The following MB21D2 variants were observed in gnomAD, a reference collection of about 807,000 sequenced individuals.
MB21D2 encodes the protein nucleotidyltransferase MB21D2.
In MB21D2, 9 loss-of-function variants were observed where a neutral mutation model predicts 33.3. The observed-to-expected ratio is 0.27, with a 90% confidence interval of 0.16 to 0.47. The LOEUF is 0.47. Ranked by LOEUF, MB21D2 falls within the 20% of genes least tolerant of loss-of-function variation. The pLI is 0.99. For synonymous variants in MB21D2, 241 were observed against 236.3 expected, an observed-to-expected ratio of 1.02 and a Z score of -0.18; for missense variants, 540 against 624.6, an observed-to-expected ratio of 0.86 and a Z score of 1.44.
intron 1 of MB21D2, among the ~76,000 whole-genome samples, chr3:192,868,128 G>A (rs9875758): frequency 0.56 from 84,597 of 152,058 alleles, 24,444 homozygotes; most frequent in African/African-American, 0.71. Flanking sequence ...AATCAGTAAC[G>A]GATACAGGGA....
chr3:192,909,761 TCTC>T (rs1560258326), intron 1 of MB21D2, among the ~76,000 whole-genome samples: 3 of 151,062 alleles, frequency 2.0e-5, no homozygotes, highest in Non-Finnish European at 3.0e-5. Context: ...CGAAACCCCA[TCTC>T]TACTAAAAAT....
chr3:192,902,036 G>T (rs1714115935), intron 1 of MB21D2, among the ~76,000 whole-genome samples: 1 of 152,142 alleles, frequency 6.6e-6, no homozygotes, highest in African/African-American at 2.4e-5. Context: ...TCAAAAGGAG[G>T]CTGTAGATAG....
chr3:192,818,033 T>C (rs1475314506), intron 1 of MB21D2, among the ~76,000 whole-genome samples: 1 of 151,770 alleles, frequency 6.6e-6, no homozygotes, highest in African/African-American at 2.4e-5. Flanking sequence ...TTCTCTTCAG[T>C]GTGCCCTCCC....
chr3:192,806,227 G>C (rs1462231845), intron 1 of MB21D2, among the ~76,000 whole-genome samples: 3 of 152,204 alleles, frequency 2.0e-5, no homozygotes, highest in Non-Finnish European at 4.4e-5. Context: ...GTCATTGTGG[G>C]CTGTGTTCAT....
At chr3:192,842,248 T>C (rs1214927700) in intron 1 of MB21D2, among the ~76,000 whole-genome samples, 1 of 152,210 alleles carries the variant, frequency 6.6e-6, no homozygotes, top group Non-Finnish European at 1.5e-5. Context: ...GGCAGGAACA[T>C]GGTCTACCAC....
chr3:192,881,814 A>G (rs1713602509), intron 1 of MB21D2, among the ~76,000 whole-genome samples: 1 of 152,196 alleles, frequency 6.6e-6, no homozygotes, highest in Non-Finnish European at 1.5e-5. Context: ...TAAATGCCAC[A>G]TGAGCAAAAC....
rs149479093 is a variant in MB21D2, at chr3:192,900,535, A to C, written c.211+17095T>G. Among the ~76,000 whole-genome samples the C allele has an allele frequency of 4.4e-3, 666 of 152,260 alleles. 5 individuals carry two copies. Among genetic ancestry groups the C allele is most frequent in the African/African-American group, 0.014 (562 of 41,568 alleles). On this transcript the variant is annotated intron_variant, in intron 1 of 1. Coordinates refer to ENST00000392452, the MANE Select transcript of MB21D2 (RefSeq NM_178496.4). Reference sequence around the variant, plus strand: ...TCTGGTTTGGCTGGTTTTTTCGTTTAGGGTATTGATCATAATCTGTAAAGC... The same window carrying C: ...TCTGGTTTGGCTGGTTTTTTCGTTTCGGGTATTGATCATAATCTGTAAAGC...
chr3:192,824,712 T>C (rs1712134708), intron 1 of MB21D2, among the ~76,000 whole-genome samples: 1 of 152,240 alleles, frequency 6.6e-6, no homozygotes, highest in South Asian at 2.1e-4. Flanking sequence ...GGTTTTCATT[T>C]AAAATTATTA....
At chr3:192,829,621 T>A (rs1452533733) in intron 1 of MB21D2, among the ~76,000 whole-genome samples, 1 of 152,252 alleles carries the variant, frequency 6.6e-6, no homozygotes, top group African/African-American at 2.4e-5. Flanking sequence ...TTTGTATGTA[T>A]GTATGGTGTA....
At chr3:192,869,861 A>T (rs1713252677) in intron 1 of MB21D2, among the ~76,000 whole-genome samples, 1 of 152,182 alleles carries the variant, frequency 6.6e-6, no homozygotes, top group African/African-American at 2.4e-5. Flanking sequence ...TAACCTGCTG[A>T]GCTGAGCTAG....
chr3:192,814,380 T>C (rs1711864798), intron 1 of MB21D2, among the ~76,000 whole-genome samples: 2 of 152,310 alleles, frequency 1.3e-5, no homozygotes, highest in African/African-American at 4.8e-5. Flanking sequence ...ACCTGATAAC[T>C]GTTTTCAGTA....
chr3:192,864,226 C>T (rs1324200198), intron 1 of MB21D2, among the ~76,000 whole-genome samples: 3 of 152,142 alleles, frequency 2.0e-5, no homozygotes, highest in African/African-American at 4.8e-5. Context: ...AAGGCCTTGG[C>T]CTAACTCTTC....
chr3:192,857,688 C>A (rs1712948803), intron 1 of MB21D2, among the ~76,000 whole-genome samples: 1 of 152,010 alleles, frequency 6.6e-6, no homozygotes, highest in African/African-American at 2.4e-5. Flanking sequence ...TATGATCAAT[C>A]CTGACTCTGC....
chr3:192,828,451 A>G (rs910592620), intron 1 of MB21D2, among the ~76,000 whole-genome samples: 3 of 150,858 alleles, frequency 2.0e-5, no homozygotes, highest in Non-Finnish European at 1.5e-5. Context: ...TGTGTCCCTG[A>G]CTCACAAGAC....
In MB21D2 at chr3:192,798,390, A is replaced by T. The variant is rs969694391; in HGVS notation, c.1472T>A (p.Phe491Tyr). The change falls in exon 2 of 2, where the codon TTC becomes TAC. Residue 491 changes from phenylalanine (F) to tyrosine (Y), a missense_variant. Phe to Tyr is a conservative substitution (Grantham distance 22). Transcript: ENST00000392452. The surrounding 1 kb of genome is among the most constrained non-coding windows in gnomAD (Gnocchi z 4.8). The stretch of plus-strand genomic sequence containing the variant: ...AAAAAAAAAGTCAGCTAACACTCAG[A>T]AAAATTTGTCATCAATTCTGAAATG... ...RPHFRIDDKF[F>Y] The T allele has an allele frequency of 1.2e-6, 2 of 1,613,022 alleles. No individual in the cohort carries two copies. The highest frequency in any genetic ancestry group is 2.7e-5 in the African/African-American group (2 of 75,034).
chr3:192,856,199 C>G lies in MB21D2; in HGVS notation c.212-56549G>C, dbSNP rs114137025. On this transcript the variant is annotated intron_variant, in intron 1 of 1. Transcript: ENST00000392452. The stretch of plus-strand genomic sequence containing the variant: ...ACTCTGATTGCATTCAGAGGGGACA[C>G]TCTGGTCTTATTAGAGGTCTGGTTT... Among the ~76,000 whole-genome samples the G allele has an allele frequency of 1.7e-3, 260 of 152,298 alleles. 2 individuals are homozygous for G. Among genetic ancestry groups the G allele is most frequent in the African/African-American group, 6.0e-3 (248 of 41,560 alleles).
intron 1 of MB21D2, among the ~76,000 whole-genome samples, chr3:192,804,560 A>C (rs1443793186): frequency 3.3e-5 from 5 of 152,176 alleles, no homozygotes; most frequent in African/African-American, 1.2e-4. Context: ...CTTTTTATAT[A>C]CCTTTGACTA....
chr3:192,825,507 GAAT>G lies in MB21D2; in HGVS notation c.212-25860_212-25858del, dbSNP rs371334476. Among the ~76,000 whole-genome samples, 274 of 152,220 alleles carry G rather than the reference GAAT, an allele frequency of 1.8e-3. 3 individuals are homozygous for G. The highest frequency in any genetic ancestry group is 6.2e-3 in the African/African-American group (259 of 41,532). Reference sequence around the variant, plus strand: ...AAGAAAAAAATCAGAAAACATAAAAGAATATTAGGAAAAGCAAACATTCTCTCC... The same window carrying G: ...AAGAAAAAAATCAGAAAACATAAAAGATTAGGAAAAGCAAACATTCTCTCC... On this transcript the variant is annotated intron_variant, in intron 1 of 1. Coordinates refer to ENST00000392452, the MANE Select transcript of MB21D2 (RefSeq NM_178496.4).
rs959761974 is a variant in MB21D2 at position 192,888,809 on chromosome 3, T to C, written c.211+28821A>G. Reference sequence around the variant, plus strand: ...CTCTTTGCAAGTATTTTTCCTAAAATGTTAATTCTTAGCTTCTTTCAGCAG... The same window carrying C: ...CTCTTTGCAAGTATTTTTCCTAAAACGTTAATTCTTAGCTTCTTTCAGCAG... On this transcript the variant is annotated intron_variant, in intron 1 of 1. Transcript: ENST00000392452. Among the ~76,000 whole-genome samples, 4 of 152,256 alleles carry C rather than the reference T, an allele frequency of 2.6e-5. No homozygotes were observed. In the South Asian group the frequency reaches 8.3e-4, roughly 32 times the overall value.
Sources: allele counts gnomAD v4.1 joint callset (sites outside exome capture counted in the v4.1 genomes callset), GRCh38; gene constraint gnomAD v4.1.1; non-coding constraint Gnocchi (gnomAD v3.1); transcripts MANE v1.5; gene names NCBI Gene and HGNC (gene_info 2026-07-23, HGNC 2026-07-21).